ANKFN1: variants seen among roughly 807,000 people sequenced by gnomAD.
ANKFN1 encodes the protein ankyrin repeat and fibronectin type III domain containing 1.
Under a neutral mutation model 108.7 loss-of-function variants are expected in ANKFN1, and 74 were observed. That is an observed-to-expected ratio of 0.68 (90% CI 0.56 to 0.83). The LOEUF (loss-of-function observed/expected upper bound fraction) is 0.83. Ranked by LOEUF, ANKFN1 falls within the 40% of genes least tolerant of loss-of-function variation. The pLI, the probability that ANKFN1 is intolerant of heterozygous loss-of-function variation, is 0.00. For missense variants in ANKFN1, 1,505 were observed against 1,382.3 expected (o/e 1.09, Z -1.41); for synonymous variants, 547 against 516.2 (o/e 1.06, Z -0.81).
intron 1 of ANKFN1, among the ~76,000 whole-genome samples, chr17:56,208,339 A>G (rs1914698291): frequency 6.6e-6 from 1 of 152,106 alleles, no homozygotes; most frequent in Non-Finnish European, 1.5e-5. Context: ...AGGTTTCTCA[A>G]TCTCAGCACT....
At chr17:56,113,658 T>C (rs1906100149) in intron 4 of ANKFN1, among the ~76,000 whole-genome samples, 1 of 152,216 alleles carries the variant, frequency 6.6e-6, no homozygotes, top group African/African-American at 2.4e-5. Flanking sequence ...AGTGCATGTG[T>C]AATCTTTGGC....
At chr17:56,286,825 A>G (rs752682116) in intron 3 of ANKFN1, among the ~76,000 whole-genome samples, 1 of 152,164 alleles carries the variant, frequency 6.6e-6, no homozygotes, top group African/African-American at 2.4e-5. Context: ...CTATACATAT[A>G]TATGCACATG....
intron 4 of ANKFN1, among the ~76,000 whole-genome samples, chr17:56,126,453 T>C (rs1465098214): frequency 6.6e-6 from 1 of 152,106 alleles, no homozygotes; most frequent in African/African-American, 2.4e-5. Flanking sequence ...CGTCATATGT[T>C]CCAATTTTTA....
At chr17:56,450,609 T>C (rs1462358393) in intron 11 of ANKFN1, among the ~76,000 whole-genome samples, 1 of 152,188 alleles carries the variant, frequency 6.6e-6, no homozygotes, top group Non-Finnish European at 1.5e-5. Context: ...TCTCGGTTAT[T>C]GAGGGCTCAT....
At chr17:56,173,255 C>T (rs192992083) in intron 1 of ANKFN1, among the ~76,000 whole-genome samples, 7 of 152,290 alleles carry the variant, frequency 4.6e-5, no homozygotes, top group East Asian at 3.9e-4. Context: ...TGCCACCTGG[C>T]GGTTGTCCAC....
intron 3 of ANKFN1, among the ~76,000 whole-genome samples, chr17:56,273,925 T>A (rs1406189978): frequency 6.6e-6 from 1 of 152,248 alleles, no homozygotes. Flanking sequence ...CAAATGTTAC[T>A]GTCTCTCCCT....
chr17:56,338,290 C>G (rs2045870613), intron 4 of ANKFN1, among the ~76,000 whole-genome samples: 1 of 151,992 alleles, frequency 6.6e-6, no homozygotes, highest in Admixed American at 6.6e-5. Context: ...CATCACACAC[C>G]AGGGCCTGTA....
At chr17:56,379,260 A>G (rs11654898) in intron 8 of ANKFN1, among the ~76,000 whole-genome samples, 88,401 of 151,908 alleles carry the variant, frequency 0.58, 28,860 homozygotes, top group East Asian at 0.96. Context: ...TTGGCTGGGC[A>G]TGGTGGCGGG....
intron 9 of ANKFN1, among the ~76,000 whole-genome samples, chr17:56,440,631 G>A (rs1239630251): frequency 6.6e-6 from 1 of 152,144 alleles, no homozygotes; most frequent in Non-Finnish European, 1.5e-5. Flanking sequence ...AAACTGTCGT[G>A]TTCTAAGGAG....
At chr17:56,111,286 C>T (rs1905945610) in intron 4 of ANKFN1, among the ~76,000 whole-genome samples, 1 of 152,196 alleles carries the variant, frequency 6.6e-6, no homozygotes, top group Non-Finnish European at 1.5e-5. Context: ...CCCTGGTTAA[C>T]TGGACCCTGG....
At chr17:56,296,933 C>T (rs1304600730) in intron 3 of ANKFN1, among the ~76,000 whole-genome samples, 3 of 152,194 alleles carry the variant, frequency 2.0e-5, no homozygotes, top group Non-Finnish European at 4.4e-5. Flanking sequence ...TCAAGCAACA[C>T]TTGGTCTCCT....
rs143678566 is a variant in ANKFN1, at chr17:56,104,278, A to G, written c.288+57953A>G. 3.0e-4 allele frequency among the ~76,000 whole-genome samples: 46 copies of G among 152,278 alleles called. No homozygotes were observed. In the East Asian group the frequency reaches 7.5e-3, roughly 25 times the overall value. On this transcript the variant is annotated intron_variant, in intron 4 of 12. Coordinates refer to the ANKFN1 transcript ENST00000635860. ...TTTGCAAAGCACAAGGCATTCCAAT[A>G]CTTTCTTTTCTAGTCTATTTCATTT...
At chr17:56,379,037 A>C (rs1052576285) in intron 8 of ANKFN1, among the ~76,000 whole-genome samples, 5 of 152,226 alleles carry the variant, frequency 3.3e-5, no homozygotes, top group Non-Finnish European at 7.3e-5. Flanking sequence ...TGACATTTAA[A>C]TTTTGTTAAA....
chr17:56,354,097 T>C lies in ANKFN1; in HGVS notation c.601+51T>C, dbSNP rs757248600. On this transcript the variant is annotated intron_variant, in intron 6 of 20. Coordinates refer to ENST00000682825, the MANE Select transcript of ANKFN1 (RefSeq NM_001370326.1). Reference sequence around the variant, plus strand: ...GTACTATTAAAGCCAGATTCCAGCCTTATGCCACCAAAATAGCCATTGCTG... The same window carrying C: ...GTACTATTAAAGCCAGATTCCAGCCCTATGCCACCAAAATAGCCATTGCTG... The C allele has an allele frequency of 1.9e-6, 3 of 1,560,438 alleles. No individual in the cohort carries two copies. The African/African-American group carries it at 4.1e-5, about 21-fold the overall frequency.
chr17:56,506,035 AC>A (rs2051546342), intron 20 of ANKFN1, among the ~76,000 whole-genome samples: 1 of 100,752 alleles, frequency 9.9e-6, no homozygotes, highest in Non-Finnish European at 2.6e-5. Flanking sequence ...TATGAAAGTG[AC>A]ATTATTTGTT....
intron 8 of ANKFN1, among the ~76,000 whole-genome samples, chr17:56,392,148 G>C (rs2047458797): frequency 6.6e-6 from 1 of 152,074 alleles, no homozygotes; most frequent in Non-Finnish European, 1.5e-5. Context: ...AGGCATTATT[G>C]CCTCTAATTC....
At chr17:56,317,890 T>C (rs1211498262) in intron 3 of ANKFN1, among the ~76,000 whole-genome samples, 2 of 152,210 alleles carry the variant, frequency 1.3e-5, no homozygotes, top group Non-Finnish European at 2.9e-5. Flanking sequence ...CAATGTAATT[T>C]TGTAAGCTTT....
At chr17:56,443,688 AACC>A (rs2049190218) in intron 10 of ANKFN1, among the ~76,000 whole-genome samples, 1 of 152,240 alleles carries the variant, frequency 6.6e-6, no homozygotes, top group Non-Finnish European at 1.5e-5. Context: ...GTGGCTGAGA[AACC>A]CAGCAAAGGC....
chr17:56,216,876 C>G (rs1054524011), intron 2 of ANKFN1, among the ~76,000 whole-genome samples: 1 of 152,146 alleles, frequency 6.6e-6, no homozygotes, highest in African/African-American at 2.4e-5. Context: ...ATTAAGCTTA[C>G]TGGGAATTCT....
Sources: allele counts gnomAD v4.1 joint callset (sites outside exome capture counted in the v4.1 genomes callset), GRCh38; gene constraint gnomAD v4.1.1; transcripts MANE v1.5; gene names NCBI Gene and HGNC (gene_info 2026-07-23, HGNC 2026-07-21).